Variants in TMEM67 observed in about 807,000 individuals in gnomAD.
The protein encoded by TMEM67 is transmembrane protein 67.
TMEM67 carries 124 observed loss-of-function variants against 136.6 expected under a neutral mutation model. The ratio of observed to expected loss-of-function variants is 0.91; its 90% CI spans 0.78 to 1.05. TMEM67 has a LOEUF of 1.05. TMEM67 is among the 50% of genes least tolerant of loss of function. The probability of loss-of-function intolerance (pLI) is 0.00; values close to 1 mark genes in which losing one functional copy is unlikely to be tolerated. For synonymous variants in TMEM67, 364 were observed against 390.5 expected, an observed-to-expected ratio of 0.93 and a Z score of 0.80; for missense variants, 1,107 against 1,178.4, an observed-to-expected ratio of 0.94 and a Z score of 0.89.
At chr8:93,828,383 G>A in the TMEM67 span, among the ~76,000 whole-genome samples, 1 of 152,280 alleles carries the variant, frequency 6.6e-6, no homozygotes, top group South Asian at 2.1e-4. Flanking sequence ...TATTTACAAT[G>A]TGTCTTAAGG....
intron 7 of TMEM67, among the ~76,000 whole-genome samples, chr8:93,779,558 G>C (rs143583523): frequency 6.6e-6 from 1 of 152,260 alleles, no homozygotes; most frequent in East Asian, 1.9e-4. Flanking sequence ...ATGGGGTTTT[G>C]ATGTGGATGT....
At chr8:93,826,372 G>T in the TMEM67 span, among the ~76,000 whole-genome samples, 2 of 151,826 alleles carry the variant, frequency 1.3e-5, no homozygotes, top group South Asian at 2.1e-4. Context: ...CTCATGATCC[G>T]CCCGCCTCGG....
chr8:93,825,115 G>A, the TMEM67 span, among the ~76,000 whole-genome samples: 2 of 152,210 alleles, frequency 1.3e-5, no homozygotes, highest in Admixed American at 1.3e-4. Flanking sequence ...TGTTAGCACG[G>A]TGCCAGGAAT....
At chr8:93,821,833 A>G (rs527659658), downstream of TMEM67, among the ~76,000 whole-genome samples, 2 of 152,306 alleles carry the variant, frequency 1.3e-5, no homozygotes, top group Admixed American at 6.5e-5. Context: ...TGGAAATTGT[A>G]GTAAACCAAG....
At chr8:93,795,207 G>A in intron 16 of TMEM67, 1 of 609,928 alleles carries the variant, frequency 1.6e-6, no homozygotes, top group Non-Finnish European at 2.9e-6. Context: ...GAGGCTACCA[G>A]GAACGGCCAG....
downstream of TMEM67, among the ~76,000 whole-genome samples, chr8:93,822,526 C>G (rs185596661): frequency 5.9e-4 from 90 of 152,286 alleles, no homozygotes; most frequent in African/African-American, 2.1e-3. Flanking sequence ...GTAACCTTTT[C>G]AGGACCAGGC....
At chr8:93,803,546 GT>G in intron 21 of TMEM67, 57 bp from the exon 22 acceptor site, 1 of 1,171,910 alleles carries the variant, frequency 8.5e-7, no homozygotes. Flanking sequence ...CACTGTGGCT[GT>G]AAAAGAAAAT....
chr8:93,815,117 T>C (rs1423958292), intron 26 of TMEM67, among the ~76,000 whole-genome samples, 188 bp from the exon 27 acceptor site: 1 of 152,230 alleles, frequency 6.6e-6, no homozygotes, highest in African/African-American at 2.4e-5. Flanking sequence ...TTATGAGTTT[T>C]TAACTAACCT....
In TMEM67 at chr8:93,808,834, T is replaced by C. The variant is rs532418578; in HGVS notation, c.2440-6T>C. The C allele has an allele frequency of 2.9e-4, 464 of 1,584,972 alleles. 6 individuals are homozygous for C. In the South Asian group the frequency reaches 4.8e-3, roughly 16 times the overall value. ...TGATCTTAACTTAAATTCTTTAACT[T>C]TTCAGGAAAATTTGTGTAGCCAGAG... is the stretch of plus-strand genomic sequence containing the variant. On this transcript the variant is annotated splice_region_variant and splice_polypyrimidine_tract_variant and intron_variant, in intron 23 of 27. Coordinates refer to ENST00000453321, the MANE Select transcript of TMEM67 (RefSeq NM_153704.6).
At chr8:93,808,522 A>AGATAAAT (rs1563480973) in intron 23 of TMEM67, among the ~76,000 whole-genome samples, 1 of 10,008 alleles carries the variant, frequency 1.0e-4, no homozygotes, top group East Asian at 3.3e-3. Flanking sequence ...ATATATTTAT[A>AGATAAAT]ATCTATATAT....
At chr8:93,784,608 C>T (rs1054791560) in intron 11 of TMEM67, among the ~76,000 whole-genome samples, 1 of 152,092 alleles carries the variant, frequency 6.6e-6, no homozygotes, top group African/African-American at 2.4e-5. Context: ...AAAGGCTTCA[C>T]AAAGTAAGTG....
At chr8:93,755,186 G>A in intron 1 of TMEM67, 49 bp downstream of exon 1, 2 of 1,536,498 alleles carry the variant, frequency 1.3e-6, no homozygotes, top group Non-Finnish European at 1.8e-6. Context: ...TCCCGCCTTG[G>A]TCGGCCCCTA....
chr8:93,781,981 C>T lies in TMEM67; in HGVS notation c.1065+237C>T, dbSNP rs1039612393. ...TTAACCAGGCTGGAGTGCAGTGGCG[C>T]GATCTCAGCTCACTACAAGCTCCGC... On this transcript the variant is annotated intron_variant, in intron 10 of 27. Coordinates refer to ENST00000453321, the MANE Select transcript of TMEM67 (RefSeq NM_153704.6). Among the ~76,000 whole-genome samples the T allele has an allele frequency of 4.0e-5, 6 of 151,816 alleles. No homozygotes were observed. The East Asian group carries it at 9.7e-4, about 25-fold the overall frequency.
chr8:93,774,732 G>A (rs1032220152), intron 7 of TMEM67, among the ~76,000 whole-genome samples: 16 of 152,142 alleles, frequency 1.1e-4, no homozygotes, highest in African/African-American at 3.6e-4. Context: ...TGTATAATAT[G>A]CCACATTTTC....
chr8:93,767,118 C>A (rs1012181990), intron 6 of TMEM67, among the ~76,000 whole-genome samples: 3 of 152,300 alleles, frequency 2.0e-5, no homozygotes, highest in African/African-American at 7.2e-5. Context: ...GGAACTAGGT[C>A]CTCAGTGTTT....
chr8:93,772,720 A>C (rs1813379864), intron 7 of TMEM67, 69 bp downstream of exon 7: 1 of 1,256,972 alleles, frequency 8.0e-7, no homozygotes, highest in African/African-American at 1.5e-5. Context: ...TACCCAGATA[A>C]TAAAAGTTTT....
rs137989705 is a variant in TMEM67 at position 93,797,380 on chromosome 8, A to T, written c.2010A>T (p.Thr670=). ...SATVPVSIWR[T]YFVANEWNEI... is the part of the protein sequence containing the mutation. ...CTGTTCCTGTAAGCATATGGAGAAC[A>T]TATTTTGTAGCAAATGAATGGAATG... Residue 670 remains threonine, a synonymous_variant, in exon 20 of 28, where the codon ACA becomes ACT. Transcript: ENST00000453321. 70 of 1,614,020 alleles carry T rather than the reference A, an allele frequency of 4.3e-5. 1 individual carries two copies. The highest frequency in any genetic ancestry group is 5.8e-5 in the Non-Finnish European group (69 of 1,179,974).
intron 1 of TMEM67, 136 bp downstream of exon 1, chr8:93,755,273 G>C (rs1321976533): frequency 1.2e-6 from 1 of 868,226 alleles, no homozygotes; most frequent in Non-Finnish European, 1.9e-6. Flanking sequence ...ACCCGCCTCC[G>C]CCTCCCAAAG....
At position 93,816,567 on chromosome 8, in the gene TMEM67, T is replaced by C. The variant is rs981221232; in HGVS notation, c.*115T>C. 5.3e-6 allele frequency: 3 copies of C among 566,444 alleles called. No homozygotes were observed. The highest frequency in any genetic ancestry group is 9.6e-6 in the Non-Finnish European group (3 of 311,700). 35.1% of individuals were successfully genotyped at this position (566,444 alleles called of 1,614,324 possible). A position where few individuals can be genotyped will look rare whatever the true frequency, so the allele number is the denominator to read the frequency against. On this transcript the variant is annotated 3_prime_UTR_variant, in exon 28 of 28. Coordinates refer to ENST00000453321, the MANE Select transcript of TMEM67 (RefSeq NM_153704.6). ...TATAATGCAGACTATTCTGTTTTTG[T>C]TTTTTATTTGCAGAAAGATTTATTT...
Sources: allele counts gnomAD v4.1 joint callset (sites outside exome capture counted in the v4.1 genomes callset), GRCh38; gene constraint gnomAD v4.1.1; transcripts MANE v1.5; gene names NCBI Gene and HGNC (gene_info 2026-07-23, HGNC 2026-07-21).